Variants in TNIK observed in about 807,000 individuals in gnomAD.
TNIK encodes the protein TRAF2 and NCK interacting kinase, also known as TRAF2 and NCK-interacting protein kinase.
In TNIK, 49 loss-of-function variants were observed where a neutral mutation model predicts 191.3. That is an observed-to-expected ratio of 0.26 (90% confidence interval 0.20 to 0.32). The LOEUF (loss-of-function observed/expected upper bound fraction) is 0.32, where lower values mean the gene tolerates loss of function less well. TNIK is among the 10% of genes least tolerant of loss of function. The pLI is 1.00. For missense variants in TNIK, 1,155 were observed against 1,702.3 expected (o/e 0.68, Z 5.66); for synonymous variants, 594 against 600.9 (o/e 0.99, Z 0.17).
chr3:171,140,228 A>G (rs1477539503), intron 13 of TNIK, among the ~76,000 whole-genome samples, 171 bp downstream of exon 13: 1 of 152,232 alleles, frequency 6.6e-6, no homozygotes, highest in Non-Finnish European at 1.5e-5. Flanking sequence ...ATAGGTGGGC[A>G]TTGCCAAGGT....
At chr3:171,185,484 A>G (rs994258555) in intron 7 of TNIK, among the ~76,000 whole-genome samples, 6 of 152,232 alleles carry the variant, frequency 3.9e-5, no homozygotes, top group African/African-American at 1.2e-4. Context: ...ATTGCCCCAC[A>G]TACTTATCAG....
chr3:171,194,578 C>G lies in TNIK; in HGVS notation c.364G>C (p.Gly122Arg). 6.2e-7 allele frequency: 1 copy of G among 1,613,906 alleles called. No individual in the cohort carries two copies. The highest frequency in any genetic ancestry group is 8.5e-7 in the Non-Finnish European group (1 of 1,179,860). The change falls in exon 5 of 33, where the codon GGT (glycine) becomes CGT (arginine). Residue 122 changes from glycine (G) to arginine (R), a missense_variant. Around this residue, in one of 3 missense-constraint regions of TNIK, gnomAD observed 225 missense variants for 438.9 expected, o/e 0.51. Coordinates refer to ENST00000436636, the MANE Select transcript of TNIK (RefSeq NM_015028.4). ...ATCCACTCCTCTTTCAACGTGTTAC[C>G]TTTTGTGTTCTTGATCAGGTCGGTG... ...SVTDLIKNTK[G>R]NTLKEEWIAY...
intron 28 of TNIK, 111 bp from the exon 29 acceptor site, chr3:171,071,434 G>C: frequency 1.3e-6 from 1 of 799,170 alleles, no homozygotes; most frequent in Non-Finnish European, 1.9e-6. Flanking sequence ...TTGATGTTGG[G>C]TGTCAGCTTC....
intron 9 of TNIK, among the ~76,000 whole-genome samples, chr3:171,173,867 A>G (rs1442111855): frequency 6.6e-6 from 1 of 152,120 alleles, no homozygotes; most frequent in East Asian, 1.9e-4. Flanking sequence ...TGTCACTTCC[A>G]GGGAAGAGAA....
chr3:171,240,409 C>T (rs959110819), intron 2 of TNIK, among the ~76,000 whole-genome samples: 45 of 152,132 alleles, frequency 3.0e-4, no homozygotes, highest in African/African-American at 8.7e-4. Context: ...CTGTGTAGAA[C>T]AGATACAAAA....
chr3:171,195,032 GT>G (rs1738523812), intron 4 of TNIK, among the ~76,000 whole-genome samples: 1 of 152,088 alleles, frequency 6.6e-6, no homozygotes, highest in South Asian at 2.1e-4. Context: ...CCAACTTAGG[GT>G]TACAAAAGTG....
intron 1 of TNIK, among the ~76,000 whole-genome samples, chr3:171,388,170 G>C (rs1718989464): frequency 6.6e-6 from 1 of 152,200 alleles, no homozygotes; most frequent in South Asian, 2.1e-4. Flanking sequence ...GCCTGGGCCA[G>C]AGCTGGCATG....
intron 1 of TNIK, among the ~76,000 whole-genome samples, chr3:171,406,056 T>C (rs1422626121): frequency 1.3e-5 from 2 of 152,142 alleles, no homozygotes; most frequent in African/African-American, 4.8e-5. Context: ...GTATGATCAA[T>C]GGTACAATAT....
At chr3:171,318,644 C>G (rs908125407) in intron 2 of TNIK, among the ~76,000 whole-genome samples, 13 of 152,094 alleles carry the variant, frequency 8.5e-5, no homozygotes, top group African/African-American at 3.1e-4. Context: ...TTTACATGGT[C>G]TATCGATTTT....
chr3:171,128,569 G>T, intron 16 of TNIK, 145 bp downstream of exon 16: 1 of 1,024,716 alleles, frequency 9.8e-7, no homozygotes, highest in Non-Finnish European at 1.3e-6. Context: ...AAATCAGTGG[G>T]GCCACCTATT....
intron 2 of TNIK, among the ~76,000 whole-genome samples, chr3:171,246,240 A>C (rs992998361): frequency 6.6e-6 from 1 of 152,118 alleles, no homozygotes; most frequent in Non-Finnish European, 1.5e-5. Context: ...CTCCACAACC[A>C]TGAGTAATAA....
chr3:171,326,416 T>A (rs768370017), intron 2 of TNIK, among the ~76,000 whole-genome samples: 14 of 152,026 alleles, frequency 9.2e-5, no homozygotes, highest in Non-Finnish European at 1.9e-4. Flanking sequence ...ATAACAAGTG[T>A]CCTGAAAGGC....
At position 171,193,226 on chromosome 3, in the gene TNIK, C is replaced by T. The variant is rs146888867; in HGVS notation, c.417+1299G>A. Among the ~76,000 whole-genome samples, 792 of 152,300 alleles carry T rather than the reference C, an allele frequency of 5.2e-3. 11 individuals are homozygous for T. Among genetic ancestry groups the T allele is most frequent in the African/African-American group, 0.018 (761 of 41,568 alleles). ...ATTTATTAGTAGCTTTATAATAAATCCTGATAACTGGTAGCATAAATTCTC... is the reference window on the plus strand; with the variant it reads ...ATTTATTAGTAGCTTTATAATAAATTCTGATAACTGGTAGCATAAATTCTC... On this transcript the variant is annotated intron_variant, in intron 5 of 32. Transcript: ENST00000436636.
Position 171,204,053 on chromosome 3 carries a change from A to G in TNIK, c.306+7063T>C, listed in dbSNP as rs113197259. ...TAATTTTTGAGAAATTAGTTAATTTACTAAACAGTATTTCTCCCTCCCTCC... is the reference window on the plus strand; with the variant it reads ...TAATTTTTGAGAAATTAGTTAATTTGCTAAACAGTATTTCTCCCTCCCTCC... On this transcript the variant is annotated intron_variant, in intron 4 of 32. Coordinates refer to ENST00000436636, the MANE Select transcript of TNIK (RefSeq NM_015028.4). 5.2e-3 allele frequency among the ~76,000 whole-genome samples: 796 copies of G among 152,336 alleles called. 6 individuals carry two copies. The highest frequency in any genetic ancestry group is 0.012 in the Admixed American group (190 of 15,298).
intron 2 of TNIK, among the ~76,000 whole-genome samples, chr3:171,264,107 CACACAT>C (rs1381789067): frequency 3.2e-3 from 186 of 58,268 alleles, no homozygotes; most frequent in African/African-American, 0.012. Context: ...CACACACACA[CACACAT>C]ATATATATAT....
chr3:171,128,667 C>T lies in TNIK; in HGVS notation c.1773+47G>A, dbSNP rs771764829. ...CCCTAGGCTTTTAATAATAGGTTTTCTTGTGCAACTTATTGGAATGCCTGA... is the reference window on the plus strand; with the variant it reads ...CCCTAGGCTTTTAATAATAGGTTTTTTTGTGCAACTTATTGGAATGCCTGA... On this transcript the variant is annotated intron_variant, in intron 16 of 32. Coordinates refer to ENST00000436636, the MANE Select transcript of TNIK (RefSeq NM_015028.4). The T allele has an allele frequency of 5.1e-6, 8 of 1,561,170 alleles. No homozygotes were observed. In the South Asian group the frequency reaches 8.6e-5, roughly 17 times the overall value.
At chr3:171,064,700 G>C (rs777951411) in intron 32 of TNIK, among the ~76,000 whole-genome samples, 7 of 152,146 alleles carry the variant, frequency 4.6e-5, no homozygotes, top group Non-Finnish European at 8.8e-5. Context: ...CTGCTTGCTT[G>C]AGCTGAATGT....
chr3:171,129,944 A>T (rs1015061470), intron 15 of TNIK, among the ~76,000 whole-genome samples: 1 of 152,164 alleles, frequency 6.6e-6, no homozygotes, highest in Non-Finnish European at 1.5e-5. Flanking sequence ...TTTCTTCAGG[A>T]CCAACTTGAC....
rs1721187663 is a variant in TNIK, at chr3:171,085,178, T to C, written c.2938A>G (p.Arg980Gly). ...TCAGTGGGAGACGTCTGGTATACTC[T>C]GGGGTCCACAAAGGGGGTGAAGGAG... ...KASFTPFVDPRVYQTSPTDED... is the reference protein window; with the variant it reads ...KASFTPFVDPGVYQTSPTDED... The change falls in exon 25 of 33, where the codon AGA becomes GGA. Residue 980 changes from arginine to glycine, a missense_variant. Transcript: ENST00000436636. 1 of 1,612,302 alleles carries C rather than the reference T, an allele frequency of 6.2e-7. No homozygotes were observed. Among genetic ancestry groups the C allele is most frequent in the East Asian group, 2.2e-5 (1 of 44,850 alleles).
Sources: gnomAD v4.1 joint callset for allele counts (sites outside exome capture counted in the v4.1 genomes callset) on GRCh38, gnomAD v4.1.1 for gene constraint, gnomAD v4.1.1 regional missense constraint, MANE v1.5 for transcripts, NCBI Gene and HGNC (gene_info 2026-07-23, HGNC 2026-07-21) for gene names.